SCIN: variants seen among roughly 807,000 people sequenced by gnomAD.
The protein encoded by SCIN is adseverin.
In SCIN, 91 loss-of-function variants were observed where a neutral mutation model predicts 91.8. That is an observed-to-expected ratio of 0.99 (90% confidence interval 0.84 to 1.18). The LOEUF (loss-of-function observed/expected upper bound fraction) is 1.18. Among genes scored for constraint, SCIN ranks in the 50% most tolerant of loss-of-function variants. SCIN has a pLI of 0.00. For missense variants in SCIN, 1,087 were observed against 863.9 expected, an observed-to-expected ratio of 1.26 and a Z score of -3.24; for synonymous variants, 367 against 312.6, an observed-to-expected ratio of 1.17 and a Z score of -1.84.
In SCIN at chr7:12,656,957, C is replaced by G. The variant is rs1784174117; in HGVS notation, c.*4242C>G. The stretch of plus-strand genomic sequence containing the variant: ...AAAAAACCTGTAAAAAGTGGCTCAA[C>G]TTTAATATTCATTAGGAAATGACTA... On this transcript the variant is annotated 3_prime_UTR_variant, in exon 16 of 16. Transcript: ENST00000297029. 6.6e-6 allele frequency: 1 copy of G among 151,362 alleles called. No individual in the cohort carries two copies. Among genetic ancestry groups the G allele is most frequent in the Admixed American group, 6.6e-5 (1 of 15,180 alleles). 9.4% of individuals were successfully genotyped at this position (151,362 alleles called of 1,614,324 possible).
chr7:12,594,466 A>G (rs1225492255), intron 3 of SCIN, among the ~76,000 whole-genome samples: 1 of 152,212 alleles, frequency 6.6e-6, no homozygotes, highest in Admixed American at 6.5e-5. Context: ...TGCGATGGCA[A>G]AAGTTGTCTA....
chr7:12,646,994 G>A (rs935151585), intron 13 of SCIN, among the ~76,000 whole-genome samples: 2 of 148,170 alleles, frequency 1.3e-5, no homozygotes, highest in Admixed American at 6.7e-5. Context: ...TTTGTCATCA[G>A]AAAAATCTGC....
chr7:12,637,525 G>GGAAGA (rs1296614409), intron 10 of SCIN, among the ~76,000 whole-genome samples: 1 of 151,584 alleles, frequency 6.6e-6, no homozygotes, highest in African/African-American at 2.4e-5. Flanking sequence ...GAGAGGAGAG[G>GGAAGA]GAAGAGAAGA....
intron 14 of SCIN, among the ~76,000 whole-genome samples, chr7:12,649,746 T>C (rs995673665): frequency 6.6e-6 from 1 of 152,226 alleles, no homozygotes; most frequent in African/African-American, 2.4e-5. Context: ...ATTCCAGAGC[T>C]ACCATCTTTG....
chr7:12,651,833 T>C lies in SCIN; in HGVS notation c.1960-8T>C, dbSNP rs753706066. On this transcript the variant is annotated splice_polypyrimidine_tract_variant and splice_region_variant and intron_variant, in intron 14 of 15. Coordinates refer to ENST00000297029, the MANE Select transcript of SCIN (RefSeq NM_001112706.3). This position sits in a 1 kb window ranked among gnomAD's most constrained non-coding sequence, Gnocchi z 5.9. ...AATCATACATATTGTTATTGTTTCATTTTTCAGATATTTATTTGGATTGGC... is the reference window on the plus strand; with the variant it reads ...AATCATACATATTGTTATTGTTTCACTTTTCAGATATTTATTTGGATTGGC... 3 of 1,552,676 alleles carry C rather than the reference T, an allele frequency of 1.9e-6. No homozygotes were observed. Among genetic ancestry groups the C allele is most frequent in the African/African-American group, 2.7e-5 (2 of 73,792 alleles).
chr7:12,638,998 G>T (rs546716891), intron 10 of SCIN, among the ~76,000 whole-genome samples: 2 of 151,946 alleles, frequency 1.3e-5, no homozygotes, highest in Non-Finnish European at 2.9e-5. Flanking sequence ...ATTGTTAGCC[G>T]GTTGAATCCT....
chr7:12,589,694 T>G (rs1314936123), intron 3 of SCIN: 2 of 152,208 alleles, frequency 1.3e-5, no homozygotes, highest in African/African-American at 4.8e-5. Context: ...TCTTTTGGAA[T>G]TGGAGAGCAA....
intron 3 of SCIN, among the ~76,000 whole-genome samples, chr7:12,600,083 GC>G (rs1782927377): frequency 1.3e-5 from 2 of 152,094 alleles, no homozygotes. Context: ...TGAAGTCTTT[GC>G]TTAAGCCAAT....
In SCIN at chr7:12,622,907, A is replaced by G. The variant is rs200560336; in HGVS notation, c.759+14A>G. 5.1e-4 allele frequency: 805 copies of G among 1,583,878 alleles called. 2 individuals carry two copies. Among genetic ancestry groups the G allele is most frequent in the South Asian group, 1.5e-3 (134 of 89,940 alleles). On this transcript the variant is annotated intron_variant, in intron 5 of 15. Coordinates refer to ENST00000297029, the MANE Select transcript of SCIN (RefSeq NM_001112706.3). ...AAACTATACATGGTGAGTTCACTGT[A>G]ACCAAATTTATTGTTTCAACAGTAC...
intron 13 of SCIN, among the ~76,000 whole-genome samples, chr7:12,648,692 A>T (rs562972640): frequency 2.6e-5 from 4 of 152,370 alleles, no homozygotes; most frequent in Admixed American, 2.0e-4. Context: ...GATAGGCAAC[A>T]TAAATCTGTG....
intron 4 of SCIN, among the ~76,000 whole-genome samples, chr7:12,617,243 C>T (rs1783317844): frequency 6.6e-6 from 1 of 151,998 alleles, no homozygotes; most frequent in Admixed American, 6.6e-5. Flanking sequence ...GTTGAATTTT[C>T]ACCATATGCT....
At chr7:12,639,402 A>G (rs1242351131) in intron 10 of SCIN, among the ~76,000 whole-genome samples, 1 of 152,216 alleles carries the variant, frequency 6.6e-6, no homozygotes, top group Non-Finnish European at 1.5e-5. Context: ...ATATGCAGGT[A>G]TGTATATGCA....
rs541685149 is a variant in SCIN at position 12,644,657 on chromosome 7, C to T, written c.1833C>T (p.Asp611=). 1.3e-6 allele frequency: 2 copies of T among 1,597,826 alleles called. No individual in the cohort carries two copies. The highest frequency in any genetic ancestry group is 2.3e-5 in the South Asian group (2 of 88,262). The part of the protein sequence containing the change: ...TSPLLETQAE[D]HPPRLYGCSN... ...CACTACTGGAAACCCAGGCTGAAGA[C>T]CATCCACCTCGGCTTTACGGCTGCT... The change falls in exon 13 of 16, where the codon GAC becomes GAT. Residue 611 remains aspartate, a synonymous_variant. Coordinates refer to ENST00000297029, the MANE Select transcript of SCIN (RefSeq NM_001112706.3).
At chr7:12,613,952 A>G (rs1783247649) in intron 4 of SCIN, among the ~76,000 whole-genome samples, 1 of 152,182 alleles carries the variant, frequency 6.6e-6, no homozygotes, top group South Asian at 2.1e-4. Context: ...GCTTCATAGA[A>G]CTATGTTGGT....
At chr7:12,636,248 A>G (rs1783750027) in intron 10 of SCIN, 113 bp downstream of exon 10, 1 of 682,440 alleles carries the variant, frequency 1.5e-6, no homozygotes, top group African/African-American at 1.8e-5. Context: ...CTTGATATGA[A>G]CTGTGTTTTC....
chr7:12,613,619 T>C (rs1783240648), intron 4 of SCIN, among the ~76,000 whole-genome samples: 1 of 152,096 alleles, frequency 6.6e-6, no homozygotes, highest in Admixed American at 6.6e-5. Context: ...AATCACAGAG[T>C]GTTGGAACTG....
chr7:12,590,716 C>T (rs1207383748), intron 3 of SCIN, among the ~76,000 whole-genome samples: 1 of 152,008 alleles, frequency 6.6e-6, no homozygotes, highest in Non-Finnish European at 1.5e-5. Flanking sequence ...CTCGAGATTT[C>T]ATCTGAACCT....
chr7:12,636,717 G>A (rs888528798), intron 10 of SCIN, among the ~76,000 whole-genome samples: 4 of 152,078 alleles, frequency 2.6e-5, no homozygotes, highest in African/African-American at 7.2e-5. Context: ...CTCAACCAGC[G>A]ATTGCTAGCT....
chr7:12,655,424 A>G lies in SCIN; in HGVS notation c.*2709A>G, dbSNP rs914399349. 4 of 152,190 alleles carry G rather than the reference A, an allele frequency of 2.6e-5. No homozygotes were observed. The highest frequency in any genetic ancestry group is 9.6e-5 in the African/African-American group (4 of 41,462). The allele number at this position is 152,190 out of a possible 1,614,324, so 9.4% of individuals were successfully genotyped here. A position where few individuals can be genotyped will look rare whatever the true frequency, so the allele number is the denominator to read the frequency against. ...AGAAACTCTTACAAATCAATGAGTCAACAACCCAATGGAAAAATGGCCAAA... is the reference window on the plus strand; with the variant it reads ...AGAAACTCTTACAAATCAATGAGTCGACAACCCAATGGAAAAATGGCCAAA... On this transcript the variant is annotated 3_prime_UTR_variant, in exon 16 of 16. Transcript: ENST00000297029.
Sources: gnomAD v4.1 joint callset for allele counts (sites outside exome capture counted in the v4.1 genomes callset) on GRCh38, gnomAD v4.1.1 for gene constraint, Gnocchi (gnomAD v3.1) non-coding constraint, MANE v1.5 for transcripts, NCBI Gene and HGNC (gene_info 2026-07-23, HGNC 2026-07-21) for gene names.